The following PTPRK variants were observed in gnomAD, a reference collection of about 807,000 sequenced individuals.
The protein encoded by PTPRK is protein tyrosine phosphatase receptor type K.
A neutral mutation model predicts 178.0 loss-of-function variants in PTPRK; 75 were observed. The ratio of observed to expected loss-of-function variants is 0.42; its 90% CI spans 0.35 to 0.51. The LOEUF is 0.51. PTPRK is among the 20% of genes least tolerant of loss of function. The pLI is 0.02. For synonymous variants in PTPRK, 637 were observed against 620.6 expected (o/e 1.03, Z -0.39); for missense variants, 1,441 against 1,797.8 (o/e 0.80, Z 3.59).
intron 3 of PTPRK, among the ~76,000 whole-genome samples, chr6:128,288,818 GA>G (rs1395299139): frequency 1.3e-5 from 2 of 151,998 alleles, no homozygotes; most frequent in Non-Finnish European, 2.9e-5. Context: ...ACCTAGCTTT[GA>G]AAACTGAGAA....
At chr6:128,383,462 A>G (rs1307064736) in intron 2 of PTPRK, among the ~76,000 whole-genome samples, 1 of 151,724 alleles carries the variant, frequency 6.6e-6, no homozygotes, top group Admixed American at 6.5e-5. Flanking sequence ...GCCATTTTGC[A>G]ATAGTATAGT....
At chr6:128,318,864 T>C (rs1828399652) in intron 3 of PTPRK, among the ~76,000 whole-genome samples, 2 of 152,186 alleles carry the variant, frequency 1.3e-5, no homozygotes, top group African/African-American at 4.8e-5. Context: ...TTTACTTCTA[T>C]TTAGCAATCA....
intron 1 of PTPRK, among the ~76,000 whole-genome samples, chr6:128,447,912 G>A (rs930295820): frequency 1.1e-4 from 17 of 152,056 alleles, no homozygotes; most frequent in Non-Finnish European, 4.4e-5. Flanking sequence ...GTGAGCCACC[G>A]CGCCCGGCCC....
At chr6:128,517,683 G>T (rs538760587) in intron 1 of PTPRK, among the ~76,000 whole-genome samples, 14 of 152,264 alleles carry the variant, frequency 9.2e-5, no homozygotes, top group Non-Finnish European at 1.8e-4. Flanking sequence ...ATAAGTATAT[G>T]ACACATCAAA....
At chr6:128,495,921 C>A (rs1854592132) in intron 1 of PTPRK, among the ~76,000 whole-genome samples, 2 of 152,326 alleles carry the variant, frequency 1.3e-5, no homozygotes, top group Admixed American at 1.3e-4. Context: ...TGTCTTCACA[C>A]AGGTGGGACT....
intron 2 of PTPRK, among the ~76,000 whole-genome samples, chr6:128,327,587 A>G (rs1031360006): frequency 1.1e-4 from 17 of 152,118 alleles, no homozygotes; most frequent in East Asian, 3.9e-4. Flanking sequence ...CTGGCCCCCA[A>G]TTATACATTG....
At chr6:128,028,562 G>C (rs1774723563) in intron 13 of PTPRK, among the ~76,000 whole-genome samples, 1 of 152,132 alleles carries the variant, frequency 6.6e-6, no homozygotes, top group South Asian at 2.1e-4. Flanking sequence ...TACCAGTGTG[G>C]ATATGGTCTC....
At chr6:128,332,878 AC>A (rs1482526842) in intron 2 of PTPRK, among the ~76,000 whole-genome samples, 3 of 152,174 alleles carry the variant, frequency 2.0e-5, no homozygotes, top group Non-Finnish European at 4.4e-5. Context: ...ACACACACTT[AC>A]TTCACCAACA....
intron 1 of PTPRK, among the ~76,000 whole-genome samples, chr6:128,437,949 C>A (rs1343803283): frequency 2.6e-5 from 4 of 152,238 alleles, no homozygotes; most frequent in African/African-American, 4.8e-5. Flanking sequence ...CCAGCTTATA[C>A]CCAAATCCGT....
At chr6:128,326,597 A>T (rs1294207995) in intron 2 of PTPRK, among the ~76,000 whole-genome samples, 1 of 152,192 alleles carries the variant, frequency 6.6e-6, no homozygotes. Context: ...CAGGTTATAA[A>T]ATATTAAACC....
intron 2 of PTPRK, among the ~76,000 whole-genome samples, chr6:128,373,695 G>T (rs891318973): frequency 2.0e-5 from 3 of 151,940 alleles, no homozygotes; most frequent in African/African-American, 7.3e-5. Flanking sequence ...GTAACTATGC[G>T]ATCAATATGC....
chr6:127,976,815 A>G, intron 26 of PTPRK, 33 bp from the exon 27 acceptor site: 1 of 1,610,424 alleles, frequency 6.2e-7, no homozygotes, highest in Non-Finnish European at 8.5e-7. Flanking sequence ...GAAAAAAAAA[A>G]AGAGTATTAT....
At chr6:128,218,171 A>C (rs1308132607) in intron 6 of PTPRK, among the ~76,000 whole-genome samples, 1 of 152,232 alleles carries the variant, frequency 6.6e-6, no homozygotes, top group Non-Finnish European at 1.5e-5. Context: ...ACACCTGTCT[A>C]TATAGTCTGC....
chr6:128,252,151 G>A (rs992815080), intron 3 of PTPRK, among the ~76,000 whole-genome samples: 9 of 152,118 alleles, frequency 5.9e-5, no homozygotes, highest in Non-Finnish European at 1.2e-4. Flanking sequence ...GCCCAAAGAC[G>A]GAGATTTTCA....
chr6:128,278,166 TA>T (rs2128300958), intron 3 of PTPRK, among the ~76,000 whole-genome samples: 1 of 148,340 alleles, frequency 6.7e-6, no homozygotes, highest in East Asian at 1.9e-4. Context: ...TTTATTTATT[TA>T]TTTATTTGAG....
chr6:127,997,496 A>G (rs1413534171), intron 16 of PTPRK, among the ~76,000 whole-genome samples: 1 of 152,100 alleles, frequency 6.6e-6, no homozygotes, highest in African/African-American at 2.4e-5. Context: ...ACAAGGGACC[A>G]TATAAAAATT....
chr6:127,975,803 C>T (rs1375409186), intron 27 of PTPRK, among the ~76,000 whole-genome samples: 3 of 152,130 alleles, frequency 2.0e-5, no homozygotes, highest in Non-Finnish European at 2.9e-5. Context: ...TCCCCACTAG[C>T]TGGGACTACA....
intron 5 of PTPRK, among the ~76,000 whole-genome samples, chr6:128,226,783 T>TG (rs1811396682): frequency 6.9e-6 from 1 of 144,664 alleles, no homozygotes; most frequent in Non-Finnish European, 1.5e-5. Flanking sequence ...TATATATATA[T>TG]ATATATATAT....
At chr6:128,339,265 T>C (rs952019603) in intron 2 of PTPRK, among the ~76,000 whole-genome samples, 5 of 152,296 alleles carry the variant, frequency 3.3e-5, no homozygotes, top group African/African-American at 9.6e-5. Flanking sequence ...GTTATTTCAA[T>C]AGTGATTAAC....
Sources: gnomAD v4.1 joint callset for allele counts (sites outside exome capture counted in the v4.1 genomes callset) on GRCh38, gnomAD v4.1.1 for gene constraint, MANE v1.5 for transcripts, NCBI Gene and HGNC (gene_info 2026-07-23, HGNC 2026-07-21) for gene names.